The following RBFOX1 variants were observed in gnomAD, a reference collection of about 807,000 sequenced individuals.
RBFOX1 encodes the protein RNA binding protein fox-1 homolog 1.
RBFOX1 carries 8 observed loss-of-function variants against 57.7 expected under a neutral mutation model. That is an observed-to-expected ratio of 0.14 (90% CI 0.08 to 0.25). RBFOX1 has a LOEUF of 0.25. Ranked by LOEUF, RBFOX1 falls within the 10% of genes least tolerant of loss-of-function variation. The probability of loss-of-function intolerance (pLI) is 1.00; values close to 1 mark genes in which losing one functional copy is unlikely to be tolerated. For missense variants in RBFOX1, 611 were observed against 548.5 expected (o/e 1.11, Z -1.14); for synonymous variants, 326 against 222.4 (o/e 1.47, Z -4.15).
chr16:6,694,917 C>T (rs188775867), intron 3 of RBFOX1, among the ~76,000 whole-genome samples: 9 of 151,998 alleles, frequency 5.9e-5, no homozygotes, highest in East Asian at 3.9e-4. Context: ...ACAGGACTAA[C>T]ACTTGTCAGA....
At chr16:5,852,590 C>T (rs1381252714) in intron 3 of RBFOX1, among the ~76,000 whole-genome samples, 1 of 152,178 alleles carries the variant, frequency 6.6e-6, no homozygotes, top group African/African-American at 2.4e-5. Flanking sequence ...GAAAAGATGG[C>T]AGCTGAGAGT....
At chr16:6,951,598 C>G (rs952404911) in intron 3 of RBFOX1, among the ~76,000 whole-genome samples, 2 of 152,130 alleles carry the variant, frequency 1.3e-5, no homozygotes, top group African/African-American at 2.4e-5. Context: ...GTTCTCATCT[C>G]TCCATGTGGT....
rs111660138 is a variant in RBFOX1, at chr16:6,363,636, G to A, written c.-64+46579G>A. 2.8e-3 allele frequency among the ~76,000 whole-genome samples: 424 copies of A among 152,260 alleles called. 4 individuals carry two copies. Among genetic ancestry groups the A allele is most frequent in the African/African-American group, 9.9e-3 (413 of 41,544 alleles). ...GTGACAGCACAACAACAGACAGTTC[G>A]GAGACTAAATACCATTTTTTAAAGT... On this transcript the variant is annotated intron_variant, in intron 2 of 15. Transcript: ENST00000550418.
At chr16:7,127,107 A>C (rs1006850174) in intron 4 of RBFOX1, among the ~76,000 whole-genome samples, 4 of 150,330 alleles carry the variant, frequency 2.7e-5, no homozygotes, top group Non-Finnish European at 4.5e-5. Context: ...TGAGGGGAGC[A>C]CTTCATGTGG....
intron 2 of RBFOX1, among the ~76,000 whole-genome samples, chr16:5,483,603 C>T (rs555185172): frequency 5.9e-4 from 90 of 152,312 alleles, no homozygotes; most frequent in African/African-American, 1.8e-3. Context: ...GGTGAACTTG[C>T]TACCTCTGGA....
chr16:6,377,264 AC>A (rs2091296297), intron 2 of RBFOX1, among the ~76,000 whole-genome samples: 1 of 137,454 alleles, frequency 7.3e-6, no homozygotes, highest in African/African-American at 3.1e-5. Flanking sequence ...ACAGAGTGAG[AC>A]CCTGTCTCAA....
chr16:6,020,711 G>C (rs919415831), intron 1 of RBFOX1, among the ~76,000 whole-genome samples: 2 of 152,060 alleles, frequency 1.3e-5, no homozygotes, highest in Non-Finnish European at 2.9e-5. Context: ...GGGGGGGCTT[G>C]TCAGCTCCAA....
intron 3 of RBFOX1, among the ~76,000 whole-genome samples, chr16:6,828,664 G>A (rs2092433408): frequency 6.6e-6 from 1 of 151,998 alleles, no homozygotes; most frequent in Admixed American, 6.6e-5. Context: ...ATTCACCTAG[G>A]ACCTCATGAT....
chr16:5,959,009 T>C (rs2059699893), intron 4 of RBFOX1, among the ~76,000 whole-genome samples: 1 of 152,180 alleles, frequency 6.6e-6, no homozygotes, highest in Admixed American at 6.5e-5. Context: ...GATTAGGATG[T>C]GAACATCTTT....
At chr16:5,847,365 T>C (rs150471204) in intron 3 of RBFOX1, among the ~76,000 whole-genome samples, 2 of 131,416 alleles carry the variant, frequency 1.5e-5, no homozygotes, top group African/African-American at 5.7e-5. Context: ...AAAAAAAAAA[T>C]GGGGGTGGGG....
chr16:7,210,574 T>A (rs1276972706), intron 4 of RBFOX1, among the ~76,000 whole-genome samples: 1 of 152,070 alleles, frequency 6.6e-6, no homozygotes, highest in African/African-American at 2.4e-5. Context: ...TCTAACCAGG[T>A]TGACACTTAA....
chr16:7,544,770 G>C (rs1197470522), intron 5 of RBFOX1, among the ~76,000 whole-genome samples: 1 of 152,190 alleles, frequency 6.6e-6, no homozygotes, highest in Non-Finnish European at 1.5e-5. Flanking sequence ...AATAGCACAT[G>C]AGATATTTTT....
chr16:7,408,506 A>G (rs561617742), intron 4 of RBFOX1, among the ~76,000 whole-genome samples: 64 of 152,276 alleles, frequency 4.2e-4, no homozygotes, highest in African/African-American at 1.4e-3. Context: ...AGAAGTAGCT[A>G]ATTCCCGACA....
chr16:6,431,176 G>A (rs74945418), intron 2 of RBFOX1, among the ~76,000 whole-genome samples: 1 of 151,870 alleles, frequency 6.6e-6, no homozygotes, highest in Admixed American at 6.6e-5. Flanking sequence ...CAATGGTCTA[G>A]GTGGGGAAAG....
chr16:5,623,299 A>G (rs1236519343), intron 3 of RBFOX1, among the ~76,000 whole-genome samples: 1 of 152,146 alleles, frequency 6.6e-6, no homozygotes, highest in Non-Finnish European at 1.5e-5. Context: ...AGGGGTCCTC[A>G]AACTGAAGGG....
At chr16:6,967,931 G>T (rs958274743) in intron 3 of RBFOX1, among the ~76,000 whole-genome samples, 2 of 152,154 alleles carry the variant, frequency 1.3e-5, no homozygotes, top group African/African-American at 4.8e-5. Flanking sequence ...CTGTTCAGCT[G>T]CCCCGGGTGC....
intron 3 of RBFOX1, among the ~76,000 whole-genome samples, chr16:5,616,822 CTTCT>C (rs1194855734): frequency 6.7e-6 from 1 of 149,822 alleles, no homozygotes; most frequent in Non-Finnish European, 1.5e-5. Context: ...CCTCCATCCT[CTTCT>C]TTCTCTTTCT....
intron 2 of RBFOX1, among the ~76,000 whole-genome samples, chr16:6,396,020 C>T (rs1343914571): frequency 2.2e-5 from 3 of 137,846 alleles, no homozygotes; most frequent in Non-Finnish European, 3.0e-5. Flanking sequence ...GAGCTGAGAT[C>T]GCACCAATGC....
At chr16:5,411,426 C>T (rs988347739) in intron 1 of RBFOX1, among the ~76,000 whole-genome samples, 7 of 152,064 alleles carry the variant, frequency 4.6e-5, no homozygotes, top group African/African-American at 1.2e-4. Context: ...TTCTAGAAGT[C>T]GGAAATGGCA....
Sources: allele counts gnomAD v4.1 joint callset (sites outside exome capture counted in the v4.1 genomes callset), GRCh38; gene constraint gnomAD v4.1.1; transcripts MANE v1.5; gene names NCBI Gene and HGNC (gene_info 2026-07-23, HGNC 2026-07-21).